ERAP1: variants seen among roughly 807,000 people sequenced by gnomAD.
ERAP1 encodes endoplasmic reticulum aminopeptidase 1.
A neutral mutation model predicts 103.7 loss-of-function variants in ERAP1; 86 were observed. The observed-to-expected ratio is 0.83, with a 90% CI of 0.70 to 0.99. The LOEUF is 0.99. ERAP1 is among the 50% of genes least tolerant of loss of function. The probability of loss-of-function intolerance (pLI) is 0.00; values close to 1 mark genes in which losing one functional copy is unlikely to be tolerated. For synonymous variants in ERAP1, 398 were observed against 402.4 expected, an observed-to-expected ratio of 0.99 and a Z score of 0.13; for missense variants, 1,009 against 1,128.4, an observed-to-expected ratio of 0.89 and a Z score of 1.52.
In ERAP1 at chr5:96,803,590, C is replaced by T. The variant is rs372986824; in HGVS notation, c.337G>A (p.Glu113Lys). 2 of 1,614,108 alleles carry T rather than the reference C, an allele frequency of 1.2e-6. No individual in the cohort carries two copies. Among genetic ancestry groups the T allele is most frequent in the Non-Finnish European group, 1.7e-6 (2 of 1,180,056 alleles). The change falls in exon 2 of 19, where the codon GAG becomes AAG. Residue 113 changes from glutamate to lysine, a missense_variant. By Grantham distance (56) the Glu-to-Lys change is moderately conservative (BLOSUM62 1). Around this residue, in one of 3 missense-constraint regions of ERAP1, gnomAD observed 392 missense variants for 455.2 expected, o/e 0.86. Coordinates refer to ENST00000443439, the MANE Select transcript of ERAP1 (RefSeq NM_001040458.3). Reference sequence around the variant, plus strand: ...TGCAGGGGTTCTTCCGATAGCCTCTCTCCAGCTCCCTTCCTGAGGGTGGCC... The same window carrying T: ...TGCAGGGGTTCTTCCGATAGCCTCTTTCCAGCTCCCTTCCTGAGGGTGGCC... ...SRATLRKGAG[E>K]RLSEEPLQVL...
At chr5:96,812,787 T>C (rs200272312), upstream of ERAP1, among the ~76,000 whole-genome samples, 3 of 152,322 alleles carry the variant, frequency 2.0e-5, no homozygotes, top group South Asian at 2.1e-4. Flanking sequence ...GTATATACAA[T>C]TGGGGCCTGA....
At chr5:96,880,181 A>G in the ERAP1 span, 1 of 1,614,090 alleles carries the variant, frequency 6.2e-7, no homozygotes, top group Middle Eastern at 1.6e-4. Flanking sequence ...CTATGTGGCT[A>G]TGGACTTCCA....
At chr5:96,850,347 A>C in the ERAP1 span, among the ~76,000 whole-genome samples, 1 of 152,188 alleles carries the variant, frequency 6.6e-6, no homozygotes, top group African/African-American at 2.4e-5. Context: ...CATCAGATAA[A>C]GGGCTGATAT....
chr5:96,911,929 C>G, the ERAP1 span, among the ~76,000 whole-genome samples: 1 of 149,638 alleles, frequency 6.7e-6, no homozygotes, highest in African/African-American at 2.5e-5. Flanking sequence ...GTGGCTCACG[C>G]CTGTAATCCC....
chr5:96,872,427 C>A, the ERAP1 span, among the ~76,000 whole-genome samples: 1 of 151,574 alleles, frequency 6.6e-6, no homozygotes, highest in Non-Finnish European at 1.5e-5. Context: ...GGTGAAAACC[C>A]ATATCTACAA....
At chr5:96,888,989 G>C in the ERAP1 span, among the ~76,000 whole-genome samples, 15 of 152,236 alleles carry the variant, frequency 9.9e-5, no homozygotes, top group Admixed American at 9.2e-4. Flanking sequence ...AAGATTCAGG[G>C]TGTTTGTAAT....
At chr5:96,876,710 G>T in the ERAP1 span, among the ~76,000 whole-genome samples, 1 of 152,156 alleles carries the variant, frequency 6.6e-6, no homozygotes, top group Non-Finnish European at 1.5e-5. Flanking sequence ...GCTGGGACTT[G>T]ATCTAAGACG....
chr5:96,856,365 T>TATATATATAGAGAGAGAGAGAGAG, the ERAP1 span, among the ~76,000 whole-genome samples: 3 of 20,384 alleles, frequency 1.5e-4, no homozygotes, highest in African/African-American at 3.3e-4. Flanking sequence ...TATATATATA[T>TATATATATAGAGAGAGAGAGAGAG]AGAGAGAGAG....
chr5:96,772,097 A>G (rs72773912), downstream of ERAP1: 15,527 of 155,812 alleles, frequency 0.1, 1,004 homozygotes, highest in Middle Eastern at 0.16. Flanking sequence ...ATACCAATAC[A>G]TGGTGGGGTG....
upstream of ERAP1, among the ~76,000 whole-genome samples, chr5:96,811,826 A>G (rs1295881364): frequency 6.6e-6 from 1 of 152,172 alleles, no homozygotes; most frequent in East Asian, 1.9e-4. Context: ...TCCCTCCCTC[A>G]GGCATTTATT....
chr5:96,804,988 A>G (rs1367120239), intron 1 of ERAP1: 1 of 143,840 alleles, frequency 7.0e-6, no homozygotes, highest in Non-Finnish European at 1.5e-5. Context: ...GGAAGTTGGC[A>G]AACCATGCCC....
the ERAP1 span, among the ~76,000 whole-genome samples, chr5:96,920,156 A>G: frequency 3.9e-5 from 6 of 152,170 alleles, no homozygotes; most frequent in Admixed American, 6.5e-5. Flanking sequence ...AAAAAAATAC[A>G]AAAATTAGCC....
chr5:96,914,144 T>TCACACACACACA, the ERAP1 span, among the ~76,000 whole-genome samples: 74 of 101,590 alleles, frequency 7.3e-4, no homozygotes, highest in African/African-American at 3.0e-3. Context: ...TCTCTCTCTC[T>TCACACACACACA]CTCTCACACA....
At chr5:96,809,568 G>T (rs926469775), upstream of ERAP1, among the ~76,000 whole-genome samples, 2 of 151,650 alleles carry the variant, frequency 1.3e-5, no homozygotes, top group African/African-American at 4.9e-5. Context: ...ATTATCTCTA[G>T]TCAAGGACAT....
the ERAP1 span, chr5:96,884,068 ATCTATCT>A: frequency 4.6e-6 from 3 of 657,444 alleles, no homozygotes; most frequent in African/African-American, 5.9e-5. Flanking sequence ...CTATCTATCT[ATCTATCT>A]ATCTATCATC....
At chr5:96,799,147 T>G (rs1777700738) in intron 3 of ERAP1, among the ~76,000 whole-genome samples, 1 of 152,186 alleles carries the variant, frequency 6.6e-6, no homozygotes, top group African/African-American at 2.4e-5. Flanking sequence ...ATTACAGTCA[T>G]GAGCCACCAC....
the ERAP1 span, chr5:96,848,622 A>G: frequency 1.3e-5 from 2 of 152,242 alleles, no homozygotes; most frequent in South Asian, 4.1e-4. Flanking sequence ...GTGAGTTACA[A>G]TATTAAATCA....
chr5:96,827,060 A>T, the ERAP1 span, among the ~76,000 whole-genome samples: 1 of 152,184 alleles, frequency 6.6e-6, no homozygotes, highest in Admixed American at 6.5e-5. Flanking sequence ...AACTTTTGTG[A>T]CAATGTTAGC....
rs1305252378 is a variant in ERAP1 at position 96,795,128 on chromosome 5, T to G, written c.833A>C (p.Gln278Pro). Residue 278 changes from glutamine to proline, a missense_variant, in exon 5 of 19, where the codon CAA becomes CCA. Transcript: ENST00000443439. ...CGCAGCATCCAGTGCATAATCTGCT[T>G]GATTTATCTTGTCTGGCACAGCATA... ...SVYAVPDKIN[Q>P]ADYALDAAVT... 4.3e-6 allele frequency: 7 copies of G among 1,613,940 alleles called. No homozygotes were observed. The highest frequency in any genetic ancestry group is 5.9e-6 in the Non-Finnish European group (7 of 1,179,994).
Sources: gnomAD v4.1 joint callset for allele counts (sites outside exome capture counted in the v4.1 genomes callset) on GRCh38, gnomAD v4.1.1 for gene constraint, gnomAD v4.1.1 regional missense constraint, MANE v1.5 for transcripts, NCBI Gene and HGNC (gene_info 2026-07-23, HGNC 2026-07-21) for gene names.